CDH13: variants seen among roughly 807,000 people sequenced by gnomAD.
The protein encoded by CDH13 is cadherin-13.
Under a neutral mutation model 63.8 loss-of-function variants are expected in CDH13, and 24 were observed. The ratio of observed to expected loss-of-function variants is 0.38; its 90% CI spans 0.27 to 0.53. The LOEUF (loss-of-function observed/expected upper bound fraction) is 0.53, where lower values mean the gene tolerates loss of function less well. Ranked by LOEUF, CDH13 falls within the 20% of genes least tolerant of loss-of-function variation. The pLI is 0.85. For synonymous variants in CDH13, 503 were observed against 355.3 expected (o/e 1.42, Z -4.67); for missense variants, 1,049 against 903.1 (o/e 1.16, Z -2.07).
intron 7 of CDH13, among the ~76,000 whole-genome samples, chr16:83,516,497 G>C (rs936902802): frequency 6.6e-6 from 1 of 152,210 alleles, no homozygotes; most frequent in African/African-American, 2.4e-5. Context: ...GTTACAGAAA[G>C]CAATTTGTGG....
At chr16:82,809,036 G>C (rs2037304717) in intron 1 of CDH13, among the ~76,000 whole-genome samples, 1 of 151,992 alleles carries the variant, frequency 6.6e-6, no homozygotes, top group Non-Finnish European at 1.5e-5. Flanking sequence ...TTGTGAACAT[G>C]CATATACATA....
chr16:82,724,632 G>A (rs2032985418), intron 1 of CDH13, among the ~76,000 whole-genome samples: 1 of 152,294 alleles, frequency 6.6e-6, no homozygotes, highest in East Asian at 1.9e-4. Context: ...CACACTGTAT[G>A]TGTGTGCACA....
intron 1 of CDH13, among the ~76,000 whole-genome samples, chr16:82,671,684 C>T (rs1013615073): frequency 6.6e-6 from 1 of 152,180 alleles, no homozygotes; most frequent in Non-Finnish European, 1.5e-5. Context: ...GTGAATCCAA[C>T]TGAAATTTTA....
intron 7 of CDH13, among the ~76,000 whole-genome samples, chr16:83,526,069 G>A (rs759104891): frequency 9.2e-5 from 14 of 152,156 alleles, no homozygotes; most frequent in African/African-American, 3.1e-4. Flanking sequence ...TTAAGACACC[G>A]TGCTGTCGTA....
intron 2 of CDH13, among the ~76,000 whole-genome samples, chr16:83,021,365 A>G (rs1381941006): frequency 6.6e-6 from 1 of 152,232 alleles, no homozygotes; most frequent in South Asian, 2.1e-4. Context: ...CCACCATGGG[A>G]TAGATGATGC....
chr16:82,779,421 C>A, intron 1 of CDH13, among the ~76,000 whole-genome samples: 1 of 152,156 alleles, frequency 6.6e-6, no homozygotes, highest in East Asian at 1.9e-4. Flanking sequence ...ATCAGGGCTC[C>A]TAACACAGCA....
chr16:82,691,604 A>G (rs979727369), intron 1 of CDH13, among the ~76,000 whole-genome samples: 1 of 152,150 alleles, frequency 6.6e-6, no homozygotes, highest in Non-Finnish European at 1.5e-5. Flanking sequence ...GGTCCTTCTT[A>G]TAGATCCACT....
At chr16:83,511,145 C>A (rs1415152701) in intron 7 of CDH13, among the ~76,000 whole-genome samples, 1 of 152,076 alleles carries the variant, frequency 6.6e-6, no homozygotes, top group Non-Finnish European at 1.5e-5. Context: ...CATGCACGCA[C>A]ATGCACACAC....
chr16:83,634,654 G>A (rs182472452), intron 8 of CDH13, among the ~76,000 whole-genome samples: 247 of 152,232 alleles, frequency 1.6e-3, no homozygotes, highest in Non-Finnish European at 3.0e-3. Flanking sequence ...ACCTGCCTCG[G>A]CCTCCCAAAG....
At chr16:83,158,106 G>C (rs2037291109) in intron 4 of CDH13, among the ~76,000 whole-genome samples, 1 of 152,014 alleles carries the variant, frequency 6.6e-6, no homozygotes, top group South Asian at 2.1e-4. Context: ...CAGGCACTGA[G>C]CTAGGTAAAT....
At chr16:83,334,663 A>G (rs1001243847) in intron 5 of CDH13, among the ~76,000 whole-genome samples, 83 of 152,134 alleles carry the variant, frequency 5.5e-4, no homozygotes, top group Non-Finnish European at 1.9e-4. Flanking sequence ...GGCATGAGCC[A>G]CCATACCTGG....
chr16:83,319,766 A>G (rs1319255155), intron 5 of CDH13, among the ~76,000 whole-genome samples: 1 of 152,226 alleles, frequency 6.6e-6, no homozygotes, highest in Non-Finnish European at 1.5e-5. Context: ...TGTGAATGGC[A>G]TGAAGAATGA....
intron 1 of CDH13, among the ~76,000 whole-genome samples, chr16:82,649,449 A>G (rs1465847022): frequency 6.6e-6 from 1 of 152,196 alleles, no homozygotes; most frequent in Non-Finnish European, 1.5e-5. Context: ...GGCAGTGAAG[A>G]AGGAAGGGAA....
intron 3 of CDH13, among the ~76,000 whole-genome samples, chr16:83,102,397 C>T (rs561006859): frequency 4.6e-5 from 7 of 152,202 alleles, no homozygotes; most frequent in Non-Finnish European, 7.3e-5. Flanking sequence ...ACCAGCAAAT[C>T]TGCAGGCTCT....
chr16:83,598,290 G>A (rs572553718), intron 7 of CDH13, among the ~76,000 whole-genome samples: 1 of 152,230 alleles, frequency 6.6e-6, no homozygotes, highest in East Asian at 1.9e-4. Context: ...GTTTGAGCCA[G>A]GAAAATAGAG....
intron 5 of CDH13, among the ~76,000 whole-genome samples, chr16:83,259,917 G>T (rs1351867545): frequency 6.6e-6 from 1 of 152,044 alleles, no homozygotes; most frequent in East Asian, 1.9e-4. Flanking sequence ...ATTGCTCATC[G>T]TGCAACCAAA....
chr16:83,765,281 A>G (rs1914290384), intron 11 of CDH13, among the ~76,000 whole-genome samples: 1 of 152,136 alleles, frequency 6.6e-6, no homozygotes, highest in Non-Finnish European at 1.5e-5. Context: ...ATGTTTAAAC[A>G]TGGCCTCAAA....
At chr16:83,477,794 C>T (rs988925550) in intron 6 of CDH13, among the ~76,000 whole-genome samples, 6 of 152,152 alleles carry the variant, frequency 3.9e-5, no homozygotes, top group Non-Finnish European at 8.8e-5. Context: ...TTGCCATAAC[C>T]TCTTTTGTTT....
At chr16:83,372,952 G>A (rs2091399489) in intron 6 of CDH13, among the ~76,000 whole-genome samples, 1 of 152,090 alleles carries the variant, frequency 6.6e-6, no homozygotes, top group South Asian at 2.1e-4. Flanking sequence ...GCAGAGTCAA[G>A]TGAAATCTTT....
Sources: gnomAD v4.1 joint callset for allele counts (sites outside exome capture counted in the v4.1 genomes callset) on GRCh38, gnomAD v4.1.1 for gene constraint, MANE v1.5 for transcripts, NCBI Gene and HGNC (gene_info 2026-07-23, HGNC 2026-07-21) for gene names.